Variants in MYO9A observed in about 807,000 individuals in gnomAD.
MYO9A encodes the protein unconventional myosin-IXa.
MYO9A carries 103 observed loss-of-function variants against 293.3 expected under a neutral mutation model. The ratio of observed to expected loss-of-function variants is 0.35; its 90% CI spans 0.30 to 0.41. MYO9A has a LOEUF of 0.41. Ranked by LOEUF, MYO9A falls within the 10% of genes least tolerant of loss-of-function variation. The pLI is 1.00. For missense variants in MYO9A, 2,685 were observed against 3,033.0 expected, an observed-to-expected ratio of 0.89 and a Z score of 2.69; for synonymous variants, 1,001 against 1,035.7, an observed-to-expected ratio of 0.97 and a Z score of 0.64.
chr15:71,884,958 CCTTT>C (rs1166198219), intron 27 of MYO9A, among the ~76,000 whole-genome samples: 7 of 136,182 alleles, frequency 5.1e-5, no homozygotes, highest in Middle Eastern at 3.3e-3. Context: ...TTTCTTTCTT[CCTTT>C]TTTTTTTTTT....
At chr15:71,948,792 G>A (rs922950993) in intron 15 of MYO9A, among the ~76,000 whole-genome samples, 1 of 152,072 alleles carries the variant, frequency 6.6e-6, no homozygotes, top group Non-Finnish European at 1.5e-5. Context: ...CATTTTTGAA[G>A]GATACTTTTG....
intron 1 of MYO9A, among the ~76,000 whole-genome samples, chr15:72,101,320 CCCGT>C (rs2080306401): frequency 6.9e-6 from 1 of 145,170 alleles, no homozygotes; most frequent in African/African-American, 2.5e-5. Flanking sequence ...GGCCAGCCGC[CCCGT>C]CCGGGAGGGA....
chr15:71,982,136 C>T (rs2076291353), intron 11 of MYO9A, among the ~76,000 whole-genome samples: 1 of 150,210 alleles, frequency 6.7e-6, no homozygotes, highest in African/African-American at 2.5e-5. Flanking sequence ...TCTCCTGCCT[C>T]ACCCTCCTGA....
At chr15:71,930,214 C>T (rs1010258704) in intron 18 of MYO9A, among the ~76,000 whole-genome samples, 11 of 152,132 alleles carry the variant, frequency 7.2e-5, no homozygotes, top group African/African-American at 2.7e-4. Flanking sequence ...CTATTAAATG[C>T]ATTTGGTCCA....
chr15:71,883,830 A>G lies in MYO9A; in HGVS notation c.5256-94T>C, dbSNP rs147339593. ...TTTAAGCTTTACAAATCTTCTATGT[A>G]TATTAGCTCATTTAAGCTTCACATT... is the stretch of plus-strand genomic sequence containing the variant. On this transcript the variant is annotated intron_variant, in intron 27 of 41. Coordinates refer to ENST00000356056, the MANE Select transcript of MYO9A (RefSeq NM_006901.4). 45 of 1,081,944 alleles carry G rather than the reference A, an allele frequency of 4.2e-5. No homozygotes were observed. The African/African-American group carries it at 5.8e-4, about 14-fold the overall frequency. The allele number at this position is 1,081,944 out of a possible 1,614,324, so 67.0% of individuals were successfully genotyped here. A position where few individuals can be genotyped will look rare whatever the true frequency, so the allele number is the denominator to read the frequency against.
intron 1 of MYO9A, among the ~76,000 whole-genome samples, chr15:72,101,348 G>C (rs2080309117): frequency 6.9e-6 from 1 of 144,290 alleles, no homozygotes; most frequent in South Asian, 2.2e-4. Context: ...CGGGGCGTCA[G>C]CCTCCCGCCC....
At chr15:71,998,821 G>A (rs892422508) in intron 9 of MYO9A, among the ~76,000 whole-genome samples, 4 of 151,876 alleles carry the variant, frequency 2.6e-5, no homozygotes, top group South Asian at 2.1e-4. Context: ...GAGTGAGAAC[G>A]TGCGGTGTTC....
chr15:71,852,023 G>T, intron 36 of MYO9A, 109 bp downstream of exon 36: 1 of 1,243,092 alleles, frequency 8.0e-7, no homozygotes, highest in Non-Finnish European at 1.1e-6. Flanking sequence ...GCTTACCTTT[G>T]AATCTATAAG....
chr15:71,951,917 AAAC>A, intron 14 of MYO9A, 21 bp from the exon 15 acceptor site: 1 of 1,564,212 alleles, frequency 6.4e-7, no homozygotes, highest in Non-Finnish European at 8.6e-7. Flanking sequence ...AAAAAAAAAC[AAAC>A]AAAAAAAAAA....
At chr15:71,827,785 C>G in intron 41 of MYO9A, 99 bp downstream of exon 41, 1 of 1,293,704 alleles carries the variant, frequency 7.7e-7, no homozygotes, top group Non-Finnish European at 1.1e-6. Flanking sequence ...TGCTGATGTA[C>G]AGTCAGTAAA....
At chr15:72,116,006 T>C (rs968454787) in intron 1 of MYO9A, among the ~76,000 whole-genome samples, 3 of 152,166 alleles carry the variant, frequency 2.0e-5, no homozygotes, top group African/African-American at 7.2e-5. Context: ...GGATGTAGTA[T>C]TAAGTAAAAA....
rs2055254322 is a variant in MYO9A, at chr15:71,843,488, CTT to C, written c.6837+5355_6837+5356del. 2.0e-5 allele frequency among the ~76,000 whole-genome samples: 3 copies of C among 152,110 alleles called. 1 individual carries two copies. Among genetic ancestry groups the C allele is most frequent in the South Asian group, 4.2e-4 (2 of 4,810 alleles). ...AGTCTTAGGATTCTTTTCAGCTACT[CTT>C]TTGTTTGTTTTTGTTTAAGACAGGG... On this transcript the variant is annotated intron_variant, in intron 39 of 41. Coordinates refer to ENST00000356056, the MANE Select transcript of MYO9A (RefSeq NM_006901.4).
intron 12 of MYO9A, among the ~76,000 whole-genome samples, chr15:71,971,170 T>TA (rs531078612): frequency 0.035 from 4,835 of 139,148 alleles, 122 homozygotes; most frequent in Admixed American, 0.079. Flanking sequence ...CAGAAAAAAT[T>TA]AAAAAAAAAA....
rs760295611 is a variant in MYO9A, at chr15:71,999,943, A to AT, written c.1381-4dup. ...TCAAATAGCATCTCTTCTTTAACCT[A>AT]TAAAACAGAAAAGTAAACTCAATAT... On this transcript the variant is annotated splice_polypyrimidine_tract_variant and splice_region_variant and intron_variant, in intron 8 of 41. Transcript: ENST00000356056. 1.2e-6 allele frequency: 2 copies of AT among 1,604,590 alleles called. No individual in the cohort carries two copies. The highest frequency in any genetic ancestry group is 3.4e-5 in the Admixed American group (2 of 58,774).
Position 72,118,079 on chromosome 15 carries a change from C to G in MYO9A, c.-471G>C, listed in dbSNP as rs926054280. On this transcript the variant is annotated 5_prime_UTR_variant, in exon 1 of 42. Transcript: ENST00000356056. Reference sequence around the variant, plus strand: ...CCGCGTCCCTTATCCGCTTCGGTCGCGCGCCCCCGACCCCGCGCACGCGGC... The same window carrying G: ...CCGCGTCCCTTATCCGCTTCGGTCGGGCGCCCCCGACCCCGCGCACGCGGC... The G allele has an allele frequency of 2.8e-5, 11 of 393,974 alleles. No homozygotes were observed. The highest frequency in any genetic ancestry group is 4.5e-5 in the Non-Finnish European group (10 of 223,156). 24.4% of individuals were successfully genotyped at this position (393,974 alleles called of 1,614,324 possible).
chr15:71,936,704 T>C (rs1382485894), intron 16 of MYO9A, among the ~76,000 whole-genome samples: 2 of 152,014 alleles, frequency 1.3e-5, no homozygotes, highest in Non-Finnish European at 2.9e-5. Context: ...AATCTCAGCT[T>C]CCATTTGCTT....
intron 12 of MYO9A, among the ~76,000 whole-genome samples, chr15:71,971,253 T>C (rs1312354519): frequency 6.6e-6 from 1 of 151,994 alleles, no homozygotes; most frequent in African/African-American, 2.4e-5. Context: ...ATAGTCTTTG[T>C]ATAATAAGAT....
At chr15:72,106,539 T>C (rs979183223) in intron 1 of MYO9A, among the ~76,000 whole-genome samples, 1 of 152,200 alleles carries the variant, frequency 6.6e-6, no homozygotes, top group African/African-American at 2.4e-5. Context: ...CCTTTTTTTA[T>C]ATGGTTTCTC....
rs529390601 is a variant in MYO9A at position 72,052,544 on chromosome 15, G to C, written c.-71-5910C>G. Among the ~76,000 whole-genome samples, 13 of 152,334 alleles carry C rather than the reference G, an allele frequency of 8.5e-5. No individual in the cohort carries two copies. The South Asian group carries it at 2.7e-3, about 32-fold the overall frequency. On this transcript the variant is annotated intron_variant, in intron 1 of 41. Coordinates refer to ENST00000356056, the MANE Select transcript of MYO9A (RefSeq NM_006901.4). ...CATTGTAGGCAACAGAAGGAGAGAAGAGAGAAGGAGAAAAGAGCTAAGGCC... is the reference window on the plus strand; with the variant it reads ...CATTGTAGGCAACAGAAGGAGAGAACAGAGAAGGAGAAAAGAGCTAAGGCC...
Sources: allele counts gnomAD v4.1 joint callset (sites outside exome capture counted in the v4.1 genomes callset), GRCh38; gene constraint gnomAD v4.1.1; transcripts MANE v1.5; gene names NCBI Gene and HGNC (gene_info 2026-07-23, HGNC 2026-07-21).